CLIC5: variants seen among roughly 807,000 people sequenced by gnomAD.
The protein encoded by CLIC5 is chloride intracellular channel protein 5.
In CLIC5, 20 loss-of-function variants were observed where a neutral mutation model predicts 24.7. The ratio of observed to expected loss-of-function variants is 0.81; its 90% CI spans 0.57 to 1.18. The LOEUF is 1.18. Ranked by LOEUF, CLIC5 falls within the 50% of genes most tolerant of loss-of-function variation. The pLI is 0.00. For synonymous variants in CLIC5, 159 were observed against 135.6 expected (o/e 1.17, Z -1.20); for missense variants, 341 against 326.1 (o/e 1.05, Z -0.35).
chr6:46,006,093 C>CATATAT (rs1243138730), intron 1 of CLIC5, among the ~76,000 whole-genome samples: 1 of 94,798 alleles, frequency 1.1e-5, no homozygotes, highest in African/African-American at 4.6e-5. Flanking sequence ...TGTATAAATA[C>CATATAT]ATATATATAT....
At chr6:46,052,315 A>T (rs1041750245) in intron 1 of CLIC5, among the ~76,000 whole-genome samples, 1 of 152,214 alleles carries the variant, frequency 6.6e-6, no homozygotes, top group African/African-American at 2.4e-5. Context: ...CCCTTTGCTC[A>T]TGCACAATGA....
intron 1 of CLIC5, among the ~76,000 whole-genome samples, chr6:46,066,107 T>G (rs1715945397): frequency 6.6e-6 from 1 of 151,928 alleles, no homozygotes; most frequent in Admixed American, 6.6e-5. Flanking sequence ...CCTCTGAAAA[T>G]GGAAATGAGG....
chr6:46,039,131 G>C (rs1767739382), intron 1 of CLIC5, among the ~76,000 whole-genome samples: 1 of 152,028 alleles, frequency 6.6e-6, no homozygotes, highest in African/African-American at 2.4e-5. Context: ...AAAACTCTCT[G>C]TTCTTACAAT....
At chr6:45,975,017 C>G (rs919559475) in intron 1 of CLIC5, among the ~76,000 whole-genome samples, 2 of 152,096 alleles carry the variant, frequency 1.3e-5, no homozygotes, top group African/African-American at 4.8e-5. Context: ...AATTGTAGAC[C>G]TATATATTTC....
intron 1 of CLIC5, among the ~76,000 whole-genome samples, chr6:45,990,374 C>T (rs146651220): frequency 2.2e-4 from 34 of 152,220 alleles, no homozygotes; most frequent in South Asian, 2.1e-4. Flanking sequence ...ACTGCCTGAA[C>T]GAAACAAAGA....
intron 1 of CLIC5, among the ~76,000 whole-genome samples, chr6:46,022,310 T>C (rs1301436367): frequency 6.6e-6 from 1 of 152,222 alleles, no homozygotes; most frequent in Non-Finnish European, 1.5e-5. Context: ...CCAGCTTTTA[T>C]GTACCTAGCA....
chr6:45,948,201 T>A lies in CLIC5; in HGVS notation c.299+1055A>T, dbSNP rs1410151395. On this transcript the variant is annotated intron_variant, in intron 3 of 5. Coordinates refer to ENST00000339561, the MANE Select transcript of CLIC5 (RefSeq NM_016929.5). ...AAAAGTGTTGATGAATAAATAAAACTTTAAAATAAATGCAGGATGGTGGTT... is the reference window on the plus strand; with the variant it reads ...AAAAGTGTTGATGAATAAATAAAACATTAAAATAAATGCAGGATGGTGGTT... Among the ~76,000 whole-genome samples, 4 of 152,344 alleles carry A rather than the reference T, an allele frequency of 2.6e-5. No homozygotes were observed. The South Asian group carries it at 6.2e-4, about 24-fold the overall frequency.
At chr6:45,984,640 G>A (rs992922587) in intron 1 of CLIC5, among the ~76,000 whole-genome samples, 1 of 152,172 alleles carries the variant, frequency 6.6e-6, no homozygotes, top group African/African-American at 2.4e-5. Flanking sequence ...TCACTGCAGG[G>A]CAAGGCTTTC....
At chr6:46,086,016 G>A in the CLIC5 span, among the ~76,000 whole-genome samples, 1 of 152,222 alleles carries the variant, frequency 6.6e-6, no homozygotes. Flanking sequence ...CTAGCAATCA[G>A]TGAGACTCCG....
At chr6:46,079,178 G>T (rs549990321) in intron 1 of CLIC5, among the ~76,000 whole-genome samples, 7 of 152,198 alleles carry the variant, frequency 4.6e-5, no homozygotes, top group Non-Finnish European at 1.0e-4. Flanking sequence ...CACTGGTAGT[G>T]TCTTACTACT....
intron 1 of CLIC5, among the ~76,000 whole-genome samples, chr6:46,043,149 T>C (rs911199266): frequency 2.0e-5 from 3 of 152,218 alleles, no homozygotes; most frequent in African/African-American, 7.2e-5. Flanking sequence ...AGTTACTAGA[T>C]GCAACAGTGA....
At position 45,949,323 on chromosome 6, in the gene CLIC5, T is replaced by G; in HGVS notation, c.232A>C (p.Asn78His). 1 of 1,614,014 alleles carries G rather than the reference T, an allele frequency of 6.2e-7. No individual in the cohort carries two copies. The highest frequency in any genetic ancestry group is 8.5e-7 in the Non-Finnish European group (1 of 1,179,896). Residue 78 changes from asparagine to histidine, a missense_variant, in exon 3 of 6, where the codon AAC becomes CAC. Transcript: ENST00000339561. ...PGTHPPFLTFNGDVKTDVNKI... is the reference protein window; with the variant it reads ...PGTHPPFLTFHGDVKTDVNKI... ...TTGACGTCTGTCTTCACGTCCCCGT[T>G]GAAGGTCAGGAAGGGCGGGTGCGTG...
intron 1 of CLIC5, among the ~76,000 whole-genome samples, chr6:45,959,365 A>C (rs1032591527): frequency 2.0e-5 from 3 of 152,194 alleles, no homozygotes; most frequent in African/African-American, 7.2e-5. Context: ...AACATACACA[A>C]CATCTTAACA....
At chr6:45,992,069 T>C (rs1320476360) in intron 1 of CLIC5, among the ~76,000 whole-genome samples, 1 of 152,116 alleles carries the variant, frequency 6.6e-6, no homozygotes, top group Non-Finnish European at 1.5e-5. Context: ...GAAGAGAAAG[T>C]TGTATCAAGA....
intron 1 of CLIC5, among the ~76,000 whole-genome samples, chr6:46,075,285 G>GGGCT (rs1209251439): frequency 1.3e-5 from 2 of 152,066 alleles, no homozygotes; most frequent in East Asian, 3.9e-4. Flanking sequence ...CCTGCTCTAG[G>GGGCT]GGCTGGGCAC....
intron 3 of CLIC5, among the ~76,000 whole-genome samples, chr6:45,943,829 CGTT>C (rs374111376): frequency 6.6e-6 from 1 of 152,210 alleles, no homozygotes; most frequent in East Asian, 1.9e-4. Flanking sequence ...CACTAGGACT[CGTT>C]GTGATTTTAC....
At chr6:46,085,150 T>C (rs1325061115), upstream of CLIC5, among the ~76,000 whole-genome samples, 1 of 152,228 alleles carries the variant, frequency 6.6e-6, no homozygotes, top group Non-Finnish European at 1.5e-5. Context: ...CTTCTCTGTA[T>C]TGGTTATTCT....
At chr6:46,002,278 A>G (rs1766392157) in intron 1 of CLIC5, among the ~76,000 whole-genome samples, 2 of 152,186 alleles carry the variant, frequency 1.3e-5, no homozygotes, top group African/African-American at 4.8e-5. Context: ...TCTGCCATAC[A>G]TATCTGTAAA....
chr6:46,056,907 C>A (rs975841960), intron 1 of CLIC5, among the ~76,000 whole-genome samples: 5 of 152,122 alleles, frequency 3.3e-5, no homozygotes, highest in African/African-American at 7.2e-5. Context: ...ATGTTGAAAA[C>A]CCTCCTCACC....
Sources: allele counts gnomAD v4.1 joint callset (sites outside exome capture counted in the v4.1 genomes callset), GRCh38; gene constraint gnomAD v4.1.1; transcripts MANE v1.5; gene names NCBI Gene and HGNC (gene_info 2026-07-23, HGNC 2026-07-21).